The following RALYL variants were observed in gnomAD, a reference collection of about 807,000 sequenced individuals.
RALYL encodes the protein RNA-binding Raly-like protein.
Under a neutral mutation model 35.1 loss-of-function variants are expected in RALYL, and 29 were observed. The ratio of observed to expected loss-of-function variants is 0.83; its 90% CI spans 0.61 to 1.13. The LOEUF is 1.13. RALYL is among the 50% of genes most tolerant of loss of function. RALYL has a pLI of 0.00. For missense variants in RALYL, 359 were observed against 360.4 expected (o/e 1.00, Z 0.03); for synonymous variants, 120 against 127.6 (o/e 0.94, Z 0.40).
At chr8:84,622,338 T>C (rs1821719751) in intron 2 of RALYL, among the ~76,000 whole-genome samples, 1 of 151,064 alleles carries the variant, frequency 6.6e-6, no homozygotes, top group Non-Finnish European at 1.5e-5. Context: ...GCTTTATTGG[T>C]AATGTTAAAG....
intron 8 of RALYL, among the ~76,000 whole-genome samples, chr8:84,908,996 A>G (rs961048851): frequency 6.6e-6 from 1 of 152,098 alleles, no homozygotes; most frequent in African/African-American, 2.4e-5. Context: ...TAAAAGTGAG[A>G]CAGCATTTCC....
intron 2 of RALYL, among the ~76,000 whole-genome samples, chr8:84,673,781 C>T (rs1290256675): frequency 2.6e-5 from 4 of 152,126 alleles, no homozygotes; most frequent in African/African-American, 7.2e-5. Flanking sequence ...GTTAGTCTAG[C>T]CCTGTAGTAT....
chr8:84,573,781 TGTTA>T (rs1245743421), intron 2 of RALYL, among the ~76,000 whole-genome samples: 19 of 151,966 alleles, frequency 1.3e-4, no homozygotes, highest in Non-Finnish European at 2.5e-4. Context: ...TTTTGAATAG[TGTTA>T]AATCAGCTAT....
intron 2 of RALYL, among the ~76,000 whole-genome samples, chr8:84,633,545 T>C (rs1274225731): frequency 1.3e-5 from 2 of 151,894 alleles, no homozygotes; most frequent in Non-Finnish European, 2.9e-5. Flanking sequence ...AAATGTTATT[T>C]ATTTTTAATT....
rs1480640219 is a variant in RALYL at position 84,602,517 on chromosome 8, A to C, written c.256+72940A>C. Among the ~76,000 whole-genome samples the C allele has an allele frequency of 2.0e-5, 3 of 152,128 alleles. No individual in the cohort carries two copies. The East Asian group carries it at 5.8e-4, about 30-fold the overall frequency. On this transcript the variant is annotated intron_variant, in intron 2 of 8. Transcript: ENST00000521268. ...CAGTCAATTCCCCTACATTCTTATG[A>C]GAGTGATTTTCCTTAATAGAAACGT... is the stretch of plus-strand genomic sequence containing the variant.
chr8:84,830,626 A>G (rs747002261), intron 4 of RALYL, among the ~76,000 whole-genome samples: 15 of 152,204 alleles, frequency 9.9e-5, no homozygotes, highest in Non-Finnish European at 1.5e-4. Context: ...TGTAAATAAT[A>G]TTTATATGGT....
At chr8:84,743,821 C>T (rs1294916338) in intron 2 of RALYL, among the ~76,000 whole-genome samples, 1 of 152,008 alleles carries the variant, frequency 6.6e-6, no homozygotes, top group East Asian at 1.9e-4. Flanking sequence ...ATTACGCTAA[C>T]TGAAATAAAC....
At chr8:84,771,860 T>A (rs1334127260) in intron 2 of RALYL, among the ~76,000 whole-genome samples, 1 of 152,148 alleles carries the variant, frequency 6.6e-6, no homozygotes, top group Non-Finnish European at 1.5e-5. Flanking sequence ...TTAATTTTAA[T>A]GAAGCAGAAT....
Position 84,529,559 on chromosome 8 carries a change from A to C in RALYL, c.238A>C (p.Ile80Leu). The C allele has an allele frequency of 6.2e-7, 1 of 1,607,608 alleles. No homozygotes were observed. The highest frequency in any genetic ancestry group is 8.5e-7 in the Non-Finnish European group (1 of 1,174,450). The part of the protein sequence containing the change: ...AAVAGENARV[I>L]AGQPLDINMA... ...AGTGGCTGGAGAAAATGCCAGAGTC[A>C]TCGCCGGCCAACCACTTGGTAAGTC... The change falls in exon 2 of 9, where the codon ATC becomes CTC. Residue 80 changes from isoleucine to leucine, a missense_variant. Coordinates refer to ENST00000521268, the MANE Select transcript of RALYL (RefSeq NM_173848.7).
chr8:84,551,460 T>C (rs2060714536), intron 2 of RALYL, among the ~76,000 whole-genome samples: 1 of 152,060 alleles, frequency 6.6e-6, no homozygotes, highest in Non-Finnish European at 1.5e-5. Flanking sequence ...ATGGTATAAA[T>C]AAGAGAGGAA....
rs1422980145 is a variant in RALYL, at chr8:84,349,545, A to G, written c.-24+165121A>G. 1.3e-5 allele frequency among the ~76,000 whole-genome samples: 2 copies of G among 150,216 alleles called. 1 individual carries two copies. The highest frequency in any genetic ancestry group is 3.0e-5 in the Non-Finnish European group (2 of 67,656). ...TTTGGTTAGTAGGTCATCCTTATGC[A>G]GTTACTTGAGCTTCAAATTCTGGAG... On this transcript the variant is annotated intron_variant, in intron 1 of 8. Coordinates refer to ENST00000521268, the MANE Select transcript of RALYL (RefSeq NM_173848.7).
intron 1 of RALYL, among the ~76,000 whole-genome samples, chr8:84,230,110 A>G (rs1444487437): frequency 6.6e-5 from 10 of 152,208 alleles, no homozygotes; most frequent in Non-Finnish European, 1.2e-4. Flanking sequence ...GTCCTCATAT[A>G]TAGGGTTAAT....
chr8:84,553,931 A>G (rs1012256302), intron 2 of RALYL, among the ~76,000 whole-genome samples: 1 of 152,238 alleles, frequency 6.6e-6, no homozygotes, highest in African/African-American at 2.4e-5. Flanking sequence ...AAGATGAATC[A>G]TCTTTCCATA....
intron 8 of RALYL, among the ~76,000 whole-genome samples, chr8:84,897,655 G>A (rs986576613): frequency 1.3e-5 from 2 of 151,824 alleles, no homozygotes; most frequent in African/African-American, 2.4e-5. Context: ...GGTAACTTGT[G>A]GTTTTATGAA....
At chr8:84,788,892 A>G (rs183644383) in intron 3 of RALYL, among the ~76,000 whole-genome samples, 2 of 152,366 alleles carry the variant, frequency 1.3e-5, no homozygotes, top group Admixed American at 1.3e-4. Context: ...CAGTGGAATG[A>G]GCAATCAGGA....
chr8:84,274,817 CTCT>C lies in RALYL; in HGVS notation c.-24+90398_-24+90400del, dbSNP rs563643524. On this transcript the variant is annotated intron_variant, in intron 1 of 8. Coordinates refer to ENST00000521268, the MANE Select transcript of RALYL (RefSeq NM_173848.7). Reference sequence around the variant, plus strand: ...TAGAACTCTGCCAAAACTCTGTCATCTCTTCTTATGGTAGTTTTTTTGCCATAT... The same window carrying C: ...TAGAACTCTGCCAAAACTCTGTCATCTCTTATGGTAGTTTTTTTGCCATAT... Among the ~76,000 whole-genome samples the C allele has an allele frequency of 1.8e-4, 28 of 152,278 alleles. No homozygotes were observed. The East Asian group carries it at 5.4e-3, about 29-fold the overall frequency.
chr8:84,215,834 C>T (rs1431981179), intron 1 of RALYL, among the ~76,000 whole-genome samples: 2 of 152,104 alleles, frequency 1.3e-5, no homozygotes, highest in African/African-American at 4.8e-5. Flanking sequence ...ATAAATGATA[C>T]TTTTTGATAA....
At chr8:84,908,940 T>C (rs993968933) in intron 8 of RALYL, among the ~76,000 whole-genome samples, 4 of 152,054 alleles carry the variant, frequency 2.6e-5, no homozygotes, top group Non-Finnish European at 5.9e-5. Flanking sequence ...TATATCACAT[T>C]GGAAAAGTAC....
rs573756292 is a variant in RALYL, at chr8:84,204,459, C to G, written c.-24+20035C>G. Among the ~76,000 whole-genome samples, 141 of 152,282 alleles carry G rather than the reference C, an allele frequency of 9.3e-4. 1 individual carries two copies. The highest frequency in any genetic ancestry group is 3.2e-3 in the African/African-American group (134 of 41,556). On this transcript the variant is annotated intron_variant, in intron 1 of 8. Transcript: ENST00000521268. ...CTGTTTCATGTTGAATGGAAACAAA[C>G]TTGCATCATAACTGTGCATGTCATT...
Sources: allele counts gnomAD v4.1 joint callset (sites outside exome capture counted in the v4.1 genomes callset), GRCh38; gene constraint gnomAD v4.1.1; transcripts MANE v1.5; gene names NCBI Gene and HGNC (gene_info 2026-07-23, HGNC 2026-07-21).